Variants in SPG11 observed in about 807,000 individuals in gnomAD.
SPG11 encodes spatacsin.
In SPG11, 222 loss-of-function variants were observed where a neutral mutation model predicts 274.0. That is an observed-to-expected ratio of 0.81 (90% CI 0.73 to 0.91). The LOEUF (loss-of-function observed/expected upper bound fraction) is 0.91. SPG11 is among the 40% of genes least tolerant of loss of function. The pLI is 0.00. For synonymous variants in SPG11, 1,144 were observed against 1,039.7 expected (o/e 1.10, Z -1.93); for missense variants, 3,114 against 2,872.7 (o/e 1.08, Z -1.92).
At chr15:44,575,587 A>G (rs2082519206) in intron 30 of SPG11, among the ~76,000 whole-genome samples, 1 of 146,444 alleles carries the variant, frequency 6.8e-6, no homozygotes, top group Admixed American at 7.1e-5. Flanking sequence ...CTCTGCCTCC[A>G]GGGCTCAATA....
chr15:44,655,562 C>T (rs1445460921), intron 4 of SPG11, among the ~76,000 whole-genome samples: 2 of 152,158 alleles, frequency 1.3e-5, no homozygotes, highest in African/African-American at 2.4e-5. Context: ...TGTATTTTCG[C>T]TTCCTTAAAA....
intron 33 of SPG11, 136 bp downstream of exon 33, chr15:44,572,547 A>T (rs2082444502): frequency 1.2e-6 from 1 of 854,886 alleles, no homozygotes; most frequent in East Asian, 2.6e-5. Flanking sequence ...GCTTTCTACC[A>T]AGAACTTATA....
At chr15:44,642,379 G>GAAAAAAAAAA (rs988586544) in intron 7 of SPG11, among the ~76,000 whole-genome samples, 1 of 89,052 alleles carries the variant, frequency 1.1e-5, no homozygotes, top group East Asian at 3.1e-4. Context: ...AAAAAAAAAA[G>GAAAAAAAAAA]AAAAAAAAAA....
Position 44,626,454 on chromosome 15 carries a change from G to T in SPG11, c.2121C>A (p.Phe707Leu), listed in dbSNP as rs1239554492. 9.3e-6 allele frequency: 15 copies of T among 1,613,916 alleles called. No homozygotes were observed. The highest frequency in any genetic ancestry group is 1.3e-5 in the Non-Finnish European group (15 of 1,179,974). ...GAGCAGAATGACTATCAATCCTGAA[G>T]AAAGTCTGTGCCTCTGGTATTTTGT... ...LNNKIPEAQT[F>L]FRIDSHSAQK... The change falls in exon 11 of 40, where the codon TTC becomes TTA. Residue 707 changes from phenylalanine to leucine, a missense_variant. By Grantham distance (22) the Phe-to-Leu change is conservative (BLOSUM62 0). Transcript: ENST00000261866.
chr15:44,578,509 G>A (rs2082593073), intron 30 of SPG11, among the ~76,000 whole-genome samples: 1 of 148,652 alleles, frequency 6.7e-6, no homozygotes, highest in African/African-American at 2.6e-5. Flanking sequence ...GAAAAGAGAA[G>A]CCTCAGGGGG....
At chr15:44,584,962 G>GAA (rs2082726985) in intron 29 of SPG11, among the ~76,000 whole-genome samples, 1 of 152,130 alleles carries the variant, frequency 6.6e-6, no homozygotes, top group South Asian at 2.1e-4. Context: ...TCAAATCAGA[G>GAA]AACAGAGATT....
intron 1 of SPG11, among the ~76,000 whole-genome samples, chr15:44,661,085 A>C (rs1369756777): frequency 2.0e-5 from 3 of 152,208 alleles, no homozygotes; most frequent in Non-Finnish European, 1.5e-5. Context: ...AACTCTGCCT[A>C]ATAGAACCTT....
intron 7 of SPG11, among the ~76,000 whole-genome samples, chr15:44,643,845 C>A (rs186929713): frequency 6.6e-6 from 1 of 152,092 alleles, no homozygotes; most frequent in East Asian, 1.9e-4. Context: ...GAAAACCAGG[C>A]CAATATCCTT....
chr15:44,598,129 A>G lies in SPG11; in HGVS notation c.4001+136T>C, dbSNP rs953721963. 4.4e-6 allele frequency: 3 copies of G among 682,964 alleles called. No homozygotes were observed. In the African/African-American group the frequency reaches 5.4e-5, roughly 12 times the overall value. The allele number at this position is 682,964 out of a possible 1,614,324, so 42.3% of individuals were successfully genotyped here. On this transcript the variant is annotated intron_variant, in intron 23 of 39. Coordinates refer to ENST00000261866, the MANE Select transcript of SPG11 (RefSeq NM_025137.4). ...ATTATTCATTTACTGAGTATCTGCT[A>G]CATGCTAGATAAAGAAGAAGATAAG...
At chr15:44,654,586 C>T (rs781642926) in intron 4 of SPG11, among the ~76,000 whole-genome samples, 26 of 152,120 alleles carry the variant, frequency 1.7e-4, no homozygotes, top group Non-Finnish European at 2.9e-4. Flanking sequence ...CGCCTGTAAT[C>T]CCAGCATTTT....
At chr15:44,648,257 T>A (rs1398584361) in intron 7 of SPG11, among the ~76,000 whole-genome samples, 2 of 152,172 alleles carry the variant, frequency 1.3e-5, no homozygotes, top group Non-Finnish European at 2.9e-5. Flanking sequence ...CTCACTCCTG[T>A]AATCCCAGCA....
rs200032491 is a variant in SPG11 at position 44,652,658 on chromosome 15, C to CTT, written c.870-394_870-393dup. ...GTGACTATCAAGTCTAGCTTTTTTT[C>CTT]TTTTTTTTTTTTTTGAGACAGAGTC... On this transcript the variant is annotated intron_variant, in intron 4 of 39. Coordinates refer to ENST00000261866, the MANE Select transcript of SPG11 (RefSeq NM_025137.4). Among the ~76,000 whole-genome samples the CTT allele has an allele frequency of 3.9e-3, 554 of 142,482 alleles. 5 individuals are homozygous for CTT. The highest frequency in any genetic ancestry group is 0.014 in the African/African-American group (528 of 38,886). 93.5% of individuals were successfully genotyped at this position (142,482 alleles called of 152,430 possible). A position where few individuals can be genotyped will look rare whatever the true frequency, so the allele number is the denominator to read the frequency against.
At chr15:44,577,151 G>A (rs987770517) in intron 30 of SPG11, among the ~76,000 whole-genome samples, 6 of 152,004 alleles carry the variant, frequency 3.9e-5, no homozygotes, top group South Asian at 2.1e-4. Context: ...TACTTTATGC[G>A]TTTCTATGTT....
Position 44,611,091 on chromosome 15 carries a change from TAAAAAAAAAAAAAAA to T in SPG11, c.3146-121_3146-107del. ...CATAAATTTTTAACTCTATCCCCAGTAAAAAAAAAAAAAAAAAAAAAAAAAGGACTTCCTAAATTT... is the reference window on the plus strand; with the variant it reads ...CATAAATTTTTAACTCTATCCCCAGTAAAAAAAAAAGGACTTCCTAAATTT... On this transcript the variant is annotated intron_variant, in intron 17 of 39. Coordinates refer to ENST00000261866, the MANE Select transcript of SPG11 (RefSeq NM_025137.4). 8.0e-4 allele frequency: 55 copies of T among 68,934 alleles called. No homozygotes were observed. The East Asian group carries it at 0.018, about 22-fold the overall frequency. The allele number at this position is 68,934 out of a possible 1,614,324, so 4.3% of individuals were successfully genotyped here. A position where few individuals can be genotyped will look rare whatever the true frequency, so the allele number is the denominator to read the frequency against.
At chr15:44,583,091 A>G (rs1248770543) in intron 30 of SPG11, among the ~76,000 whole-genome samples, 2 of 152,160 alleles carry the variant, frequency 1.3e-5, no homozygotes, top group Non-Finnish European at 1.5e-5. Context: ...CTATTTGCAG[A>G]TGACATGAAT....
At chr15:44,577,879 C>T (rs1275088141) in intron 30 of SPG11, among the ~76,000 whole-genome samples, 2 of 152,130 alleles carry the variant, frequency 1.3e-5, no homozygotes, top group East Asian at 3.8e-4. Flanking sequence ...TCTCTAGTAC[C>T]AGTTTGAAGA....
intron 7 of SPG11, among the ~76,000 whole-genome samples, chr15:44,635,121 C>T (rs1488850643): frequency 6.6e-6 from 1 of 151,974 alleles, no homozygotes; most frequent in Admixed American, 6.6e-5. Context: ...AAGTCTGGGG[C>T]AGGAGAATCG....
chr15:44,652,403 C>A, intron 4 of SPG11, 137 bp from the exon 5 acceptor site: 1 of 899,482 alleles, frequency 1.1e-6, no homozygotes, highest in Admixed American at 2.1e-5. Flanking sequence ...AACTCCTTAT[C>A]TCCCTTGCTT....
intron 8 of SPG11, among the ~76,000 whole-genome samples, chr15:44,631,431 T>C (rs1383908635): frequency 5.9e-5 from 9 of 152,196 alleles, no homozygotes; most frequent in African/African-American, 2.2e-4. Context: ...AAGATCTCAA[T>C]TGGTTTTATT....
Sources: allele counts gnomAD v4.1 joint callset (sites outside exome capture counted in the v4.1 genomes callset), GRCh38; gene constraint gnomAD v4.1.1; transcripts MANE v1.5; gene names NCBI Gene and HGNC (gene_info 2026-07-23, HGNC 2026-07-21).